Variants in FHOD3 observed in about 807,000 individuals in gnomAD.
FHOD3 encodes the protein formin homology 2 domain containing 3, also known as FH1/FH2 domain-containing protein 3.
In FHOD3, 90 loss-of-function variants were observed where a neutral mutation model predicts 173.0. The observed-to-expected ratio is 0.52, with a 90% CI of 0.44 to 0.62. FHOD3 has a LOEUF of 0.62. FHOD3 is among the 20% of genes least tolerant of loss of function. The pLI, the probability that FHOD3 is intolerant of heterozygous loss-of-function variation, is 0.00. For missense variants in FHOD3, 1,945 were observed against 2,034.7 expected, an observed-to-expected ratio of 0.96 and a Z score of 0.85; for synonymous variants, 828 against 823.0, an observed-to-expected ratio of 1.01 and a Z score of -0.10.
chr18:36,594,733 C>G (rs2148357423), intron 6 of FHOD3, 54 bp from the exon 7 acceptor site: 1 of 1,322,846 alleles, frequency 7.6e-7, no homozygotes, highest in Non-Finnish European at 1.1e-6. Flanking sequence ...AAGATGCTCT[C>G]TGGTGCACAG....
chr18:36,571,754 G>T (rs575341785), intron 5 of FHOD3, among the ~76,000 whole-genome samples: 16 of 152,164 alleles, frequency 1.1e-4, no homozygotes, highest in African/African-American at 3.4e-4. Flanking sequence ...AATAGAAAAA[G>T]GACAGTCTCT....
intron 1 of FHOD3, among the ~76,000 whole-genome samples, chr18:36,348,448 C>A (rs1412624584): frequency 3.3e-5 from 5 of 152,172 alleles, no homozygotes; most frequent in Non-Finnish European, 7.3e-5. Context: ...GTGGGGCTAG[C>A]TTTGTGGGCG....
At chr18:36,391,669 C>T (rs2048306049) in intron 3 of FHOD3, among the ~76,000 whole-genome samples, 1 of 152,130 alleles carries the variant, frequency 6.6e-6, no homozygotes, top group South Asian at 2.1e-4. Flanking sequence ...TCAGGTGACT[C>T]TTGTAATCTT....
chr18:36,387,873 C>T (rs2048104428), intron 3 of FHOD3, among the ~76,000 whole-genome samples: 1 of 151,958 alleles, frequency 6.6e-6, no homozygotes. Flanking sequence ...GCCAGTGAGA[C>T]TGTGTGACCA....
At chr18:36,522,008 C>T (rs2056301502) in intron 5 of FHOD3, among the ~76,000 whole-genome samples, 2 of 152,176 alleles carry the variant, frequency 1.3e-5, no homozygotes, top group Non-Finnish European at 2.9e-5. Flanking sequence ...ATTGTAATCT[C>T]CAGGAGATCT....
At chr18:36,666,485 G>GACAA (rs2037190951) in intron 14 of FHOD3, among the ~76,000 whole-genome samples, 1 of 152,110 alleles carries the variant, frequency 6.6e-6, no homozygotes, top group African/African-American at 2.4e-5. Flanking sequence ...CATTAGACAG[G>GACAA]GTGATCCTCA....
At chr18:36,715,013 A>G (rs371828757) in intron 18 of FHOD3, among the ~76,000 whole-genome samples, 27 of 152,250 alleles carry the variant, frequency 1.8e-4, no homozygotes, top group East Asian at 1.2e-3. Context: ...GAAGCTCCCA[A>G]TGCTGACCTC....
At chr18:36,557,912 A>G (rs1254072458) in intron 5 of FHOD3, among the ~76,000 whole-genome samples, 2 of 152,238 alleles carry the variant, frequency 1.3e-5, no homozygotes, top group African/African-American at 4.8e-5. Flanking sequence ...GTGAAACCAG[A>G]GAAGCATTGA....
At chr18:36,460,149 T>G (rs565015461) in intron 3 of FHOD3, among the ~76,000 whole-genome samples, 1 of 152,286 alleles carries the variant, frequency 6.6e-6, no homozygotes, top group South Asian at 2.1e-4. Flanking sequence ...GACTTGATGT[T>G]AACCTTAAGC....
chr18:36,373,678 C>A (rs376350838), intron 3 of FHOD3, among the ~76,000 whole-genome samples: 4 of 152,318 alleles, frequency 2.6e-5, no homozygotes, highest in South Asian at 4.1e-4. Context: ...ACTTCAGGGA[C>A]TGAAAGGTCA....
At chr18:36,483,149 T>G (rs921195410) in intron 3 of FHOD3, among the ~76,000 whole-genome samples, 2 of 152,106 alleles carry the variant, frequency 1.3e-5, no homozygotes, top group African/African-American at 2.4e-5. Flanking sequence ...TTGGGGAATT[T>G]TGCCAGATGG....
At chr18:36,493,216 T>C (rs1426775676) in intron 3 of FHOD3, among the ~76,000 whole-genome samples, 1 of 143,484 alleles carries the variant, frequency 7.0e-6, no homozygotes, top group African/African-American at 2.7e-5. Context: ...TCTTTTTCTT[T>C]TTTTTTTTTT....
At chr18:36,651,919 C>G (rs1043246175) in intron 11 of FHOD3, among the ~76,000 whole-genome samples, 4 of 152,178 alleles carry the variant, frequency 2.6e-5, no homozygotes, top group Non-Finnish European at 5.9e-5. Flanking sequence ...TCAGGCCTGT[C>G]TGAAGGCGTC....
At chr18:36,674,209 A>C (rs1035786452) in intron 14 of FHOD3, among the ~76,000 whole-genome samples, 1 of 152,154 alleles carries the variant, frequency 6.6e-6, no homozygotes, top group Admixed American at 6.5e-5. Context: ...TTGGCTTTCA[A>C]GTTCACCTGA....
intron 1 of FHOD3, among the ~76,000 whole-genome samples, chr18:36,353,043 A>G (rs1452210123): frequency 1.3e-5 from 2 of 152,292 alleles, no homozygotes; most frequent in East Asian, 1.9e-4. Flanking sequence ...TGCTGCTTCC[A>G]TAGAGTAGGG....
intron 5 of FHOD3, among the ~76,000 whole-genome samples, chr18:36,527,070 G>A (rs185444708): frequency 1.2e-3 from 187 of 152,290 alleles, no homozygotes; most frequent in Non-Finnish European, 2.2e-3. Flanking sequence ...CCTGGAAGCT[G>A]CATCTGGAGG....
intron 5 of FHOD3, among the ~76,000 whole-genome samples, chr18:36,537,125 C>T (rs1054507034): frequency 2.0e-5 from 3 of 152,148 alleles, no homozygotes; most frequent in African/African-American, 7.2e-5. Flanking sequence ...TCAGGTGTAG[C>T]TTCCAGGTAG....
chr18:36,736,589 GC>G (rs1254856514), intron 20 of FHOD3, among the ~76,000 whole-genome samples: 1 of 152,194 alleles, frequency 6.6e-6, no homozygotes, highest in African/African-American at 2.4e-5. Flanking sequence ...CCTCTTTGAA[GC>G]AATGCTGTCA....
intron 11 of FHOD3, 51 bp from the exon 12 acceptor site, chr18:36,652,519 C>T (rs2036129342): frequency 6.1e-6 from 9 of 1,482,480 alleles, no homozygotes; most frequent in African/African-American, 1.4e-5. Context: ...TTTGCTCCTT[C>T]TCTCCCAAAT....
Sources: allele counts gnomAD v4.1 joint callset (sites outside exome capture counted in the v4.1 genomes callset), GRCh38; gene constraint gnomAD v4.1.1; transcripts MANE v1.5; gene names NCBI Gene and HGNC (gene_info 2026-07-23, HGNC 2026-07-21).